The following NLRP3 variants were observed in gnomAD, a reference collection of about 807,000 sequenced individuals.
The protein encoded by NLRP3 is NLR family pyrin domain containing 3.
NLRP3 carries 48 observed loss-of-function variants against 91.3 expected under a neutral mutation model. The observed-to-expected ratio is 0.53, with a 90% CI of 0.42 to 0.67. NLRP3 has a LOEUF of 0.67. Ranked by LOEUF, NLRP3 falls within the 30% of genes least tolerant of loss-of-function variation. The pLI, the probability that NLRP3 is intolerant of heterozygous loss-of-function variation, is 0.00. For synonymous variants in NLRP3, 561 were observed against 507.9 expected (o/e 1.10, Z -1.41); for missense variants, 982 against 1,276.9 (o/e 0.77, Z 3.52).
rs1339220694 is a variant in NLRP3, at chr1:247,443,967, T to C, written c.2664-5T>C. ...CTGAGGACTCTTCTCCCTGTCCTTC[T>C]ACAGGTTGGTGAATTCTGGCCTTAC... On this transcript the variant is annotated splice_region_variant and splice_polypyrimidine_tract_variant and intron_variant, in intron 7 of 9. Transcript: ENST00000336119. 6.2e-7 allele frequency: 1 copy of C among 1,614,008 alleles called. No individual in the cohort carries two copies. The highest frequency in any genetic ancestry group is 1.3e-5 in the African/African-American group (1 of 75,048).
intron 2 of NLRP3, among the ~76,000 whole-genome samples, chr1:247,422,481 C>T (rs1438217073): frequency 2.6e-5 from 4 of 152,036 alleles, no homozygotes; most frequent in African/African-American, 4.8e-5. Flanking sequence ...TTTTACCTAA[C>T]CTGAATTTCT....
At position 247,425,473 on chromosome 1, in the gene NLRP3, A is replaced by C; in HGVS notation, c.2024A>C (p.Glu675Ala). 1.2e-6 allele frequency: 2 copies of C among 1,614,174 alleles called. No homozygotes were observed. Among genetic ancestry groups the C allele is most frequent in the Non-Finnish European group, 1.7e-6 (2 of 1,180,036 alleles). Residue 675 changes from glutamate (E) to alanine (A), a missense_variant, in exon 4 of 10, where the codon GAG becomes GCG. Transcript: ENST00000336119. This position sits in a 1 kb window ranked among gnomAD's most constrained non-coding sequence, Gnocchi z 4.1. ...TGCATTGAGAACTGTCATCGGGTGGAGTCACTGTCCCTGGGGTTTCTCCAT... is the reference window on the plus strand; with the variant it reads ...TGCATTGAGAACTGTCATCGGGTGGCGTCACTGTCCCTGGGGTTTCTCCAT... ...SFCIENCHRVESLSLGFLHNM... is the reference protein window; with the variant it reads ...SFCIENCHRVASLSLGFLHNM...
In NLRP3 at chr1:247,434,206, G is replaced by A. The variant is rs141389711; in HGVS notation, c.2425G>A (p.Gly809Ser). ...VELDLSDNAL[G>S]DFGIRLLCVG... ...GCTGGACCTGAGTGACAACGCCCTC[G>A]GTGACTTCGGAATCAGACTTCTGTG... The change falls in exon 6 of 10, where the codon GGT becomes AGT. Residue 809 changes from glycine (G) to serine (S), a missense_variant. Transcript: ENST00000336119. 2.1e-4 allele frequency: 347 copies of A among 1,614,230 alleles called. 3 individuals carry two copies. The East Asian group carries it at 7.5e-3, about 35-fold the overall frequency.
At chr1:247,423,106 G>C in intron 2 of NLRP3, 124 bp from the exon 3 acceptor site, 1 of 1,376,682 alleles carries the variant, frequency 7.3e-7, no homozygotes, top group South Asian at 1.2e-5. Context: ...CTGCAACTCA[G>C]AGCCATGTTT....
chr1:247,427,590 G>T (rs1323970693), intron 4 of NLRP3, among the ~76,000 whole-genome samples: 1 of 149,950 alleles, frequency 6.7e-6, no homozygotes, highest in African/African-American at 2.5e-5. Context: ...GATGGCACCT[G>T]CCTTACTCTG....
chr1:247,418,572 G>T lies in NLRP3; in HGVS notation c.-229G>T. On this transcript the variant is annotated 5_prime_UTR_variant, in exon 2 of 10. Coordinates refer to ENST00000336119, the MANE Select transcript of NLRP3 (RefSeq NM_001243133.2). Reference sequence around the variant, plus strand: ...CTGCCTTGGCCTCTCAAAGTGCTGGGATTACAGGCGTGAGCCACTGTGCCC... The same window carrying T: ...CTGCCTTGGCCTCTCAAAGTGCTGGTATTACAGGCGTGAGCCACTGTGCCC... 1 of 542,786 alleles carries T rather than the reference G, an allele frequency of 1.8e-6. No individual in the cohort carries two copies. The highest frequency in any genetic ancestry group is 2.0e-5 in the South Asian group (1 of 50,364). The allele number at this position is 542,786 out of a possible 1,614,324, so 33.6% of individuals were successfully genotyped here.
intron 2 of NLRP3, among the ~76,000 whole-genome samples, chr1:247,421,549 A>C (rs1211819201): frequency 6.6e-6 from 1 of 152,216 alleles, no homozygotes; most frequent in Non-Finnish European, 1.5e-5. Flanking sequence ...TACTTTGCTA[A>C]GCAGTTTTTA....
rs1662827833 is a variant in NLRP3 at position 247,425,747 on chromosome 1, T to C, written c.2150+148T>C. On this transcript the variant is annotated intron_variant, in intron 4 of 9. Transcript: ENST00000336119. This position sits in a 1 kb window ranked among gnomAD's most constrained non-coding sequence, Gnocchi z 4.1. ...GCCACCACTGTCTGTTTGAGACTCC[T>C]TCATGAGCAAAGATTGATGTATGGT... 1.4e-6 allele frequency: 1 copy of C among 734,202 alleles called. No individual in the cohort carries two copies. Among genetic ancestry groups the C allele is most frequent in the Non-Finnish European group, 2.3e-6 (1 of 425,822 alleles). 45.5% of individuals were successfully genotyped at this position (734,202 alleles called of 1,614,324 possible).
chr1:247,435,739 A>G (rs1459242203), intron 6 of NLRP3, among the ~76,000 whole-genome samples: 1 of 152,238 alleles, frequency 6.6e-6, no homozygotes, highest in Non-Finnish European at 1.5e-5. Flanking sequence ...TTTTACCACA[A>G]TAAAGCTGAA....
At chr1:247,419,144 TTATATA>T (rs35723895) in intron 2 of NLRP3, 67 bp downstream of exon 2, 18 of 966,670 alleles carry the variant, frequency 1.9e-5, no homozygotes, top group East Asian at 7.0e-5. Context: ...TTTTCCATCT[TTATATA>T]TATATATATA....
chr1:247,417,681 C>T (rs1307727879), intron 1 of NLRP3, among the ~76,000 whole-genome samples: 3 of 152,032 alleles, frequency 2.0e-5, no homozygotes, highest in Non-Finnish European at 4.4e-5. Context: ...GGGATTTCTC[C>T]CTGTTGTTTG....
intron 7 of NLRP3, among the ~76,000 whole-genome samples, chr1:247,441,123 CTTTTTCTCTTTCT>C (rs1558207018): frequency 1.2e-5 from 1 of 81,048 alleles, no homozygotes. Context: ...CTCTCTTTTT[CTTTTTCTCTTTCT>C]TTCTTTCTTT....
In NLRP3 at chr1:247,431,575, T is replaced by C. The variant is rs149381949; in HGVS notation, c.2321+1820T>C. 6.8e-3 allele frequency among the ~76,000 whole-genome samples: 1,043 copies of C among 152,314 alleles called. 14 individuals are homozygous for C. The highest frequency in any genetic ancestry group is 0.024 in the African/African-American group (998 of 41,566). ...TCCCCGGGGATGGGGTTTGCGTTTG[T>C]TTGTCTTGCTGTCATCTTTGCCACG... On this transcript the variant is annotated intron_variant, in intron 5 of 9. Coordinates refer to ENST00000336119, the MANE Select transcript of NLRP3 (RefSeq NM_001243133.2).
rs1572170471 is a variant in NLRP3, at chr1:247,424,595, G to A, written c.1146G>A (p.Lys382=). Residue 382 remains lysine (K), a synonymous_variant, in exon 4 of 10, where the codon AAG becomes AAA. Transcript: ENST00000336119. This position sits in a 1 kb window ranked among gnomAD's most constrained non-coding sequence, Gnocchi z 8.1. ...SEAKRKEYFF[K]YFSDEAQARA... ...CCAAAAGGAAAGAGTACTTCTTCAA[G>A]TACTTCTCTGATGAGGCCCAAGCCA... 2 of 1,614,250 alleles carry A rather than the reference G, an allele frequency of 1.2e-6. No individual in the cohort carries two copies. Among genetic ancestry groups the A allele is most frequent in the East Asian group, 2.2e-5 (1 of 44,890 alleles).
rs1663170868 is a variant in NLRP3 at position 247,429,729 on chromosome 1, T to A, written c.2295T>A (p.His765Gln). Residue 765 changes from histidine (H) to glutamine (Q), a missense_variant, in exon 5 of 10, where the codon CAT becomes CAA. Physicochemically the swap from His to Gln is conservative, Grantham distance 24. Transcript: ENST00000336119. ...GAGTGTTGTGTGAAACGCTCCAGCATCCTGGCTGTAACATTCGGAGATTGT... is the reference window on the plus strand; with the variant it reads ...GAGTGTTGTGTGAAACGCTCCAGCAACCTGGCTGTAACATTCGGAGATTGT... ...GMRVLCETLQ[H>Q]PGCNIRRLWL... 1.2e-6 allele frequency: 2 copies of A among 1,614,050 alleles called. No individual in the cohort carries two copies. Among genetic ancestry groups the A allele is most frequent in the Non-Finnish European group, 8.5e-7 (1 of 1,179,996 alleles).
Position 247,425,830 on chromosome 1 carries a change from A to G in NLRP3, c.2150+231A>G. On this transcript the variant is annotated intron_variant, in intron 4 of 9. Transcript: ENST00000336119. This position sits in a 1 kb window ranked among gnomAD's most constrained non-coding sequence, Gnocchi z 4.1. ...AAAACAAGGAACAAATGTTTGGGGAATGCCAGTTTAGCACAAGGTATTAAG... is the reference window on the plus strand; with the variant it reads ...AAAACAAGGAACAAATGTTTGGGGAGTGCCAGTTTAGCACAAGGTATTAAG... 1.8e-6 allele frequency: 1 copy of G among 560,600 alleles called. No homozygotes were observed. Among genetic ancestry groups the G allele is most frequent in the South Asian group, 2.0e-5 (1 of 49,636 alleles). The allele number at this position is 560,600 out of a possible 1,614,324, so 34.7% of individuals were successfully genotyped here. A position where few individuals can be genotyped will look rare whatever the true frequency, so the allele number is the denominator to read the frequency against.
intron 7 of NLRP3, among the ~76,000 whole-genome samples, chr1:247,438,391 T>TG (rs1340812078): frequency 3.0e-5 from 4 of 134,784 alleles, no homozygotes; most frequent in African/African-American, 5.6e-5. Flanking sequence ...TTTTTTTTTT[T>TG]TTTTTTTTTT....
At chr1:247,433,956 GTA>G (rs1558200513) in intron 5 of NLRP3, 145 bp from the exon 6 acceptor site, 17,899 of 571,356 alleles carry the variant, frequency 0.031, 146 homozygotes, top group East Asian at 0.067. Context: ...GATGCTTTCT[GTA>G]TTCCGGAGCT....
chr1:247,439,987 A>G (rs1664089629), intron 7 of NLRP3, among the ~76,000 whole-genome samples: 2 of 152,318 alleles, frequency 1.3e-5, no homozygotes, highest in African/African-American at 2.4e-5. Context: ...ACTTTTATGC[A>G]TTTTATGTGT....
Sources: allele counts gnomAD v4.1 joint callset (sites outside exome capture counted in the v4.1 genomes callset), GRCh38; gene constraint gnomAD v4.1.1; non-coding constraint Gnocchi (gnomAD v3.1); transcripts MANE v1.5; gene names NCBI Gene and HGNC (gene_info 2026-07-23, HGNC 2026-07-21).